Variants in MAF observed in about 807,000 individuals in gnomAD.
MAF encodes the protein MAF bZIP transcription factor.
Under a neutral mutation model 22.0 loss-of-function variants are expected in MAF, and 10 were observed. The ratio of observed to expected loss-of-function variants is 0.45; its 90% CI spans 0.28 to 0.77. MAF has a LOEUF of 0.77. Among genes scored for constraint, MAF ranks in the 30% least tolerant of loss-of-function variants. The pLI is 0.12. For synonymous variants in MAF, 337 were observed against 255.8 expected (o/e 1.32, Z -3.03); for missense variants, 544 against 548.4 (o/e 0.99, Z 0.08).
the MAF span, among the ~76,000 whole-genome samples, chr16:79,435,620 A>C: frequency 6.6e-6 from 1 of 152,144 alleles, no homozygotes; most frequent in Non-Finnish European, 1.5e-5. Context: ...TCAGGGTCAC[A>C]CAGCTGGCCA....
chr16:79,203,627 C>G, the MAF span: 3 of 152,040 alleles, frequency 2.0e-5, no homozygotes, highest in East Asian at 3.9e-4. Context: ...CTGAAATCCT[C>G]CCTGCTCACA....
At chr16:79,275,787 T>A in the MAF span, among the ~76,000 whole-genome samples, 1 of 152,186 alleles carries the variant, frequency 6.6e-6, no homozygotes, top group East Asian at 1.9e-4. Flanking sequence ...GTGAAGTATC[T>A]CTTCTGTGCA....
the MAF span, among the ~76,000 whole-genome samples, chr16:79,549,951 C>G: frequency 6.6e-6 from 1 of 152,138 alleles, no homozygotes; most frequent in African/African-American, 2.4e-5. Flanking sequence ...CACCAATTAA[C>G]TGAGATACTA....
At chr16:79,202,921 A>G in the MAF span, 1 of 152,228 alleles carries the variant, frequency 6.6e-6, no homozygotes, top group Non-Finnish European at 1.5e-5. Context: ...TGCATGATAG[A>G]ATGCAAACTT....
chr16:79,360,952 T>C, the MAF span, among the ~76,000 whole-genome samples: 9 of 152,256 alleles, frequency 5.9e-5, no homozygotes, highest in East Asian at 1.5e-3. Context: ...TCGGCCATGG[T>C]AGGAGCATTT....
chr16:79,411,909 G>C, the MAF span, among the ~76,000 whole-genome samples: 3,115 of 149,222 alleles, frequency 0.021, 57 homozygotes, highest in Middle Eastern at 0.048. Flanking sequence ...TATGTAGTAG[G>C]GTCACCAGAG....
At chr16:79,289,867 T>TTTTTTC in the MAF span, among the ~76,000 whole-genome samples, 12 of 118,510 alleles carry the variant, frequency 1.0e-4, no homozygotes, top group South Asian at 2.5e-4. Flanking sequence ...TTTTTTTTTT[T>TTTTTTC]TGTGAGACGG....
the MAF span, among the ~76,000 whole-genome samples, chr16:79,228,320 A>G: frequency 6.6e-6 from 1 of 152,112 alleles, no homozygotes; most frequent in Non-Finnish European, 1.5e-5. Context: ...AAACATCCAA[A>G]TAATTCACCC....
the MAF span, among the ~76,000 whole-genome samples, chr16:79,469,802 G>T: frequency 6.6e-6 from 1 of 151,938 alleles, no homozygotes; most frequent in Non-Finnish European, 1.5e-5. Context: ...TCACAGTGTT[G>T]GTCAGGCTGG....
At chr16:79,510,753 G>A in the MAF span, among the ~76,000 whole-genome samples, 1 of 152,128 alleles carries the variant, frequency 6.6e-6, no homozygotes, top group Non-Finnish European at 1.5e-5. Flanking sequence ...AATAATTTTT[G>A]AACAAGAAGC....
chr16:79,538,871 AAAAG>A, the MAF span, among the ~76,000 whole-genome samples: 1,030 of 104,280 alleles, frequency 9.9e-3, 10 homozygotes, highest in East Asian at 0.03. Flanking sequence ...AAAAGAAAAG[AAAAG>A]AAAGAAAGAA....
At chr16:79,435,781 T>C in the MAF span, among the ~76,000 whole-genome samples, 10 of 152,336 alleles carry the variant, frequency 6.6e-5, no homozygotes, top group East Asian at 1.5e-3. Flanking sequence ...CCTTCGTTAT[T>C]TGTCCATGTA....
chr16:79,559,774 A>G, the MAF span, among the ~76,000 whole-genome samples: 2 of 152,136 alleles, frequency 1.3e-5, no homozygotes, highest in Non-Finnish European at 2.9e-5. Context: ...CCTCCTCTTG[A>G]TTCTATCAAT....
At chr16:79,389,885 AGAATGGCGT>A in the MAF span, among the ~76,000 whole-genome samples, 23 of 142,850 alleles carry the variant, frequency 1.6e-4, no homozygotes, top group East Asian at 4.6e-3. Flanking sequence ...CTGAGGCAGG[AGAATGGCGT>A]GAACCTGGGA....
the MAF span, among the ~76,000 whole-genome samples, chr16:79,220,365 A>C: frequency 3.9e-5 from 6 of 152,240 alleles, no homozygotes; most frequent in Middle Eastern, 3.4e-3. Flanking sequence ...CAAAAGAACC[A>C]ACTAGTGTAA....
chr16:79,470,196 G>A, the MAF span, among the ~76,000 whole-genome samples: 1 of 152,204 alleles, frequency 6.6e-6, no homozygotes, highest in East Asian at 1.9e-4. Flanking sequence ...GCGGAGATAG[G>A]AACTCTGGTT....
chr16:79,437,136 C>CTGTG, the MAF span, among the ~76,000 whole-genome samples: 4 of 142,628 alleles, frequency 2.8e-5, no homozygotes, highest in African/African-American at 8.2e-5. Context: ...GGAGAAAGCT[C>CTGTG]TCTCTCTCTC....
At chr16:79,431,816 G>C in the MAF span, among the ~76,000 whole-genome samples, 1 of 152,166 alleles carries the variant, frequency 6.6e-6, no homozygotes, top group Non-Finnish European at 1.5e-5. Context: ...TCCTGAGAGG[G>C]AATCACAAAA....
the MAF span, among the ~76,000 whole-genome samples, chr16:79,395,011 C>T: frequency 1.3e-5 from 2 of 152,142 alleles, no homozygotes; most frequent in Non-Finnish European, 2.9e-5. Context: ...TTATTAAATG[C>T]TTAGTAAATT....
Sources: gnomAD v4.1 joint callset for allele counts (sites outside exome capture counted in the v4.1 genomes callset) on GRCh38, gnomAD v4.1.1 for gene constraint, MANE v1.5 for transcripts, NCBI Gene and HGNC (gene_info 2026-07-23, HGNC 2026-07-21) for gene names.